GLS: variants seen among roughly 807,000 people sequenced by gnomAD.
GLS encodes the protein glutaminase kidney isoform, mitochondrial.
Under a neutral mutation model 86.7 loss-of-function variants are expected in GLS, and 36 were observed. The ratio of observed to expected loss-of-function variants is 0.42; its 90% CI spans 0.32 to 0.55. The LOEUF is 0.55. Ranked by LOEUF, GLS falls within the 20% of genes least tolerant of loss-of-function variation. The pLI, the probability that GLS is intolerant of heterozygous loss-of-function variation, is 0.17. For missense variants in GLS, 528 were observed against 833.4 expected, an observed-to-expected ratio of 0.63 and a Z score of 4.51; for synonymous variants, 317 against 305.9, an observed-to-expected ratio of 1.04 and a Z score of -0.38.
chr2:190,928,396 A>G (rs960474639), intron 12 of GLS, among the ~76,000 whole-genome samples: 17 of 148,362 alleles, frequency 1.1e-4, no homozygotes, highest in Non-Finnish European at 3.0e-5. Flanking sequence ...GTGCAGTGGC[A>G]CGATCTTGGC....
chr2:190,917,814 C>T (rs1294227586), intron 7 of GLS, among the ~76,000 whole-genome samples: 1 of 151,068 alleles, frequency 6.6e-6, no homozygotes, highest in Non-Finnish European at 1.5e-5. Context: ...TCTGGCTGGT[C>T]ATGGTGGCTC....
Position 190,895,516 on chromosome 2 carries a change from T to C in GLS, c.484-88T>C. The C allele has an allele frequency of 1.1e-6, 1 of 933,332 alleles. No homozygotes were observed. The highest frequency in any genetic ancestry group is 1.6e-6 in the Non-Finnish European group (1 of 628,000). 57.8% of individuals were successfully genotyped at this position (933,332 alleles called of 1,614,324 possible). On this transcript the variant is annotated intron_variant, in intron 2 of 17. Transcript: ENST00000320717. The surrounding 1 kb of genome is among the most constrained non-coding windows in gnomAD (Gnocchi z 4.2). ...TGTTCAAGTGTTGGGTAGAAGTTTT[T>C]ATATACAGGAATAAAATCTTATAGT...
Position 190,964,366 on chromosome 2 carries a change from C to T in GLS, c.*1380C>T, listed in dbSNP as rs1198479913. On this transcript the variant is annotated 3_prime_UTR_variant, in exon 18 of 18. Transcript: ENST00000320717. This position sits in a 1 kb window ranked among gnomAD's most constrained non-coding sequence, Gnocchi z 5.2. ...TGCACACAAATGGACTTCTCTGAAGCTGTGTTTAGTGAAATGAGCTCAAGT... is the reference window on the plus strand; with the variant it reads ...TGCACACAAATGGACTTCTCTGAAGTTGTGTTTAGTGAAATGAGCTCAAGT... The T allele has an allele frequency of 1.3e-5, 2 of 152,144 alleles. No homozygotes were observed. Among genetic ancestry groups the T allele is most frequent in the African/African-American group, 4.8e-5 (2 of 41,444 alleles). 9.4% of individuals were successfully genotyped at this position (152,144 alleles called of 1,614,324 possible). A position where few individuals can be genotyped will look rare whatever the true frequency, so the allele number is the denominator to read the frequency against.
At position 190,963,073 on chromosome 2, in the gene GLS, G is replaced by T; in HGVS notation, c.*87G>T. 1 of 931,144 alleles carries T rather than the reference G, an allele frequency of 1.1e-6. No homozygotes were observed. Among genetic ancestry groups the T allele is most frequent in the Non-Finnish European group, 1.6e-6 (1 of 626,340 alleles). The allele number at this position is 931,144 out of a possible 1,614,324, so 57.7% of individuals were successfully genotyped here. A position where few individuals can be genotyped will look rare whatever the true frequency, so the allele number is the denominator to read the frequency against. On this transcript the variant is annotated 3_prime_UTR_variant, in exon 18 of 18. Transcript: ENST00000320717. Reference sequence around the variant, plus strand: ...AACATGTGTATTTCTATCTGGTAGTGATGTATATTTTACATTTGTCATTTC... The same window carrying T: ...AACATGTGTATTTCTATCTGGTAGTTATGTATATTTTACATTTGTCATTTC...
intron 1 of GLS, among the ~76,000 whole-genome samples, chr2:190,882,803 A>C (rs1688248163): frequency 6.6e-6 from 1 of 152,200 alleles, no homozygotes; most frequent in African/African-American, 2.4e-5. Flanking sequence ...CTTGGGTTAG[A>C]TGACTTAAAT....
In GLS at chr2:190,962,819, T is replaced by A; in HGVS notation, c.1854-11T>A. 6.7e-7 allele frequency: 1 copy of A among 1,498,070 alleles called. No individual in the cohort carries two copies. Among genetic ancestry groups the A allele is most frequent in the Non-Finnish European group, 8.9e-7 (1 of 1,124,018 alleles). 92.8% of individuals were successfully genotyped at this position (1,498,070 alleles called of 1,614,324 possible). ...CCTAATGACCCTGTCCATGCTGTGC[T>A]ACGTGTTTAGGTGGAATAACACTCC... On this transcript the variant is annotated splice_polypyrimidine_tract_variant and intron_variant, in intron 17 of 17. Transcript: ENST00000320717. This position sits in a 1 kb window ranked among gnomAD's most constrained non-coding sequence, Gnocchi z 4.2.
chr2:190,886,263 C>T (rs1451428523), intron 1 of GLS, among the ~76,000 whole-genome samples: 1 of 152,170 alleles, frequency 6.6e-6, no homozygotes, highest in Non-Finnish European at 1.5e-5. Flanking sequence ...AAATGTGCAT[C>T]AGTCATTGAT....
At chr2:190,910,607 CT>C (rs779085975) in intron 7 of GLS, among the ~76,000 whole-genome samples, 540 of 119,726 alleles carry the variant, frequency 4.5e-3, no homozygotes, top group Middle Eastern at 0.011. Context: ...GGCATAGAGG[CT>C]TTTTTTTTTT....
intron 1 of GLS, chr2:190,881,975 C>T (rs1259375562): frequency 6.5e-6 from 1 of 152,798 alleles, no homozygotes; most frequent in African/African-American, 2.4e-5. Flanking sequence ...TGGTTTCTGC[C>T]ATCATCCGGT....
intron 11 of GLS, 72 bp from the exon 12 acceptor site, chr2:190,927,234 A>AAAAT (rs1376032524): frequency 3.6e-6 from 4 of 1,109,160 alleles, no homozygotes; most frequent in Non-Finnish European, 5.1e-6. Flanking sequence ...AATACCAAAT[A>AAAAT]AAATAGATTA....
At chr2:190,950,164 T>C (rs1341096221) in intron 14 of GLS, among the ~76,000 whole-genome samples, 1 of 152,026 alleles carries the variant, frequency 6.6e-6, no homozygotes, top group Non-Finnish European at 1.5e-5. Context: ...CAGCCAGTTG[T>C]AGGCCTTGAG....
At chr2:190,937,378 T>G (rs1369718881) in intron 14 of GLS, among the ~76,000 whole-genome samples, 1 of 151,346 alleles carries the variant, frequency 6.6e-6, no homozygotes, top group Admixed American at 6.6e-5. Flanking sequence ...TGCACATGAC[T>G]TTGAGAAATT....
intron 17 of GLS, among the ~76,000 whole-genome samples, chr2:190,960,543 A>AT (rs1328256378): frequency 6.6e-6 from 1 of 150,748 alleles, no homozygotes; most frequent in East Asian, 1.9e-4. Flanking sequence ...TTATTTATTT[A>AT]TTTTTTATTT....
rs561246019 is a variant in GLS at position 190,956,367 on chromosome 2, C to CGAA, written c.1853+1549_1853+1550insGAA. On this transcript the variant is annotated intron_variant, in intron 17 of 17. Transcript: ENST00000320717. This position sits in a 1 kb window ranked among gnomAD's most constrained non-coding sequence, Gnocchi z 4.2. ...CTAGCCAGTTTTCCCAATACCTTTC[C>CGAA]CCATTGCTTGTTTTTGTCAGGTTTG... 1.5e-4 allele frequency among the ~76,000 whole-genome samples: 23 copies of CGAA among 150,912 alleles called. No homozygotes were observed. The highest frequency in any genetic ancestry group is 3.1e-4 in the Non-Finnish European group (21 of 67,270).
In GLS at chr2:190,905,293, TGAGA is replaced by T; in HGVS notation, c.979+130_979+133del. The T allele has an allele frequency of 1.6e-6, 1 of 619,852 alleles. No homozygotes were observed. The highest frequency in any genetic ancestry group is 2.2e-5 in the South Asian group (1 of 46,022). 38.4% of individuals were successfully genotyped at this position (619,852 alleles called of 1,614,324 possible). A position where few individuals can be genotyped will look rare whatever the true frequency, so the allele number is the denominator to read the frequency against. On this transcript the variant is annotated intron_variant, in intron 6 of 17. Coordinates refer to ENST00000320717, the MANE Select transcript of GLS (RefSeq NM_014905.5). This position sits in a 1 kb window ranked among gnomAD's most constrained non-coding sequence, Gnocchi z 4.6. ...GTCATGTGATTTCTATATAATCCAT[TGAGA>T]GAGTTTCATCACCTACTTTTAAAAA...
rs1219147211 is a variant in GLS at position 190,949,785 on chromosome 2, A to AT, written c.1651-3778dup. ...AATATTTGATGCCTTGAGGGAGAAT[A>AT]TTCACTTAGTCAATAGATATTTAAT... On this transcript the variant is annotated intron_variant, in intron 14 of 17. Coordinates refer to ENST00000320717, the MANE Select transcript of GLS (RefSeq NM_014905.5). This position sits in a 1 kb window ranked among gnomAD's most constrained non-coding sequence, Gnocchi z 4.0. Among the ~76,000 whole-genome samples, 2 of 152,060 alleles carry AT rather than the reference A, an allele frequency of 1.3e-5. No homozygotes were observed. The highest frequency in any genetic ancestry group is 2.4e-5 in the African/African-American group (1 of 41,410).
In GLS at chr2:190,938,402, A is replaced by ATTAAAT. The variant is rs1690336190; in HGVS notation, c.1650+6769_1650+6774dup. ...ATTATATTTGGAATCCTGAGCTATA[A>ATTAAAT]TTAAATTTATATTCTGTAAAACAGC... is the stretch of plus-strand genomic sequence containing the variant. On this transcript the variant is annotated intron_variant, in intron 14 of 17. Coordinates refer to ENST00000320717, the MANE Select transcript of GLS (RefSeq NM_014905.5). This position sits in a 1 kb window ranked among gnomAD's most constrained non-coding sequence, Gnocchi z 4.1. Among the ~76,000 whole-genome samples the ATTAAAT allele has an allele frequency of 6.6e-6, 1 of 151,610 alleles. No homozygotes were observed.
chr2:190,910,003 A>G (rs1412510678), intron 6 of GLS, among the ~76,000 whole-genome samples: 2 of 152,182 alleles, frequency 1.3e-5, no homozygotes, highest in Non-Finnish European at 2.9e-5. Context: ...GTGCCACTGC[A>G]CTTCAGCCTG....
At chr2:190,902,408 C>G (rs1688977389) in intron 5 of GLS, among the ~76,000 whole-genome samples, 1 of 152,060 alleles carries the variant, frequency 6.6e-6, no homozygotes. Flanking sequence ...TGTCTTTGTT[C>G]CTTGTGTTCC....
Sources: gnomAD v4.1 joint callset for allele counts (sites outside exome capture counted in the v4.1 genomes callset) on GRCh38, gnomAD v4.1.1 for gene constraint, Gnocchi (gnomAD v3.1) non-coding constraint, MANE v1.5 for transcripts, NCBI Gene and HGNC (gene_info 2026-07-23, HGNC 2026-07-21) for gene names.